ADGRE3: variants seen among roughly 807,000 people sequenced by gnomAD.
ADGRE3 encodes the protein adhesion G protein-coupled receptor E3.
In ADGRE3, 88 loss-of-function variants were observed where a neutral mutation model predicts 80.1. The observed-to-expected ratio is 1.10, with a 90% CI of 0.93 to 1.31. The LOEUF is 1.31. Among genes scored for constraint, ADGRE3 ranks in the 40% most tolerant of loss-of-function variants. The pLI is 0.00. For missense variants in ADGRE3, 715 were observed against 776.5 expected (o/e 0.92, Z 0.94); for synonymous variants, 281 against 294.8 (o/e 0.95, Z 0.48).
Position 14,662,001 on chromosome 19 carries a change from T to A in ADGRE3, c.317A>T (p.Asn106Ile), listed in dbSNP as rs762137039. ...CTCATTGGAATTACTGAATTGTTCATTCCCAGAATGCAGTCTATATCCTGG... is the reference window on the plus strand; with the variant it reads ...CTCATTGGAATTACTGAATTGTTCAATCCCAGAATGCAGTCTATATCCTGG... ...CVPGYRLHSGNEQFSNSNENT... is the reference protein window; with the variant it reads ...CVPGYRLHSGIEQFSNSNENT... Residue 106 changes from asparagine (N) to isoleucine (I), a missense_variant, in exon 4 of 16, where the codon AAT becomes ATT. Transcript: ENST00000253673. 6.2e-7 allele frequency: 1 copy of A among 1,614,188 alleles called. No individual in the cohort carries two copies. The highest frequency in any genetic ancestry group is 2.2e-5 in the East Asian group (1 of 44,884).
intron 10 of ADGRE3, among the ~76,000 whole-genome samples, chr19:14,639,081 G>A (rs917589162): frequency 3.3e-5 from 5 of 151,804 alleles, no homozygotes; most frequent in Admixed American, 1.3e-4. Context: ...TTGCAGAGAC[G>A]GGGTCTCACT....
the ADGRE3 span, chr19:14,607,047 G>T: frequency 7.4e-7 from 1 of 1,354,866 alleles, no homozygotes; most frequent in South Asian, 1.8e-5. Context: ...GGGGCTGAAT[G>T]ACAGGGCCCA....
At position 14,662,136 on chromosome 19, in the gene ADGRE3, A is replaced by G; in HGVS notation, c.200-18T>C. ...ATTAATGTCTGGAACACAAAGAAGCAATTGGGTCATTCATTCAGCAAAGAT... is the reference window on the plus strand; with the variant it reads ...ATTAATGTCTGGAACACAAAGAAGCGATTGGGTCATTCATTCAGCAAAGAT... On this transcript the variant is annotated intron_variant, in intron 3 of 15. Coordinates refer to ENST00000253673, the MANE Select transcript of ADGRE3 (RefSeq NM_032571.5). 1 of 1,613,072 alleles carries G rather than the reference A, an allele frequency of 6.2e-7. No homozygotes were observed. The highest frequency in any genetic ancestry group is 8.5e-7 in the Non-Finnish European group (1 of 1,179,296).
intron 6 of ADGRE3, among the ~76,000 whole-genome samples, chr19:14,652,095 G>A (rs957884302): frequency 6.6e-6 from 1 of 151,950 alleles, no homozygotes; most frequent in African/African-American, 2.4e-5. Context: ...TCTCTGTGGT[G>A]GGGAACCAGG....
intron 5 of ADGRE3, among the ~76,000 whole-genome samples, chr19:14,656,081 C>T (rs111627636): frequency 7.4e-4 from 113 of 151,996 alleles, no homozygotes; most frequent in African/African-American, 2.7e-3. Context: ...TGCGGTGGCT[C>T]ATGCCTGTAA....
intron 9 of ADGRE3, 105 bp downstream of exon 9, chr19:14,644,003 G>T: frequency 2.8e-6 from 2 of 720,744 alleles, no homozygotes; most frequent in Non-Finnish European, 3.9e-6. Context: ...GAGTCACCAT[G>T]CTCGGCCTTT....
chr19:14,634,150 T>C (rs1014640650), intron 11 of ADGRE3, among the ~76,000 whole-genome samples: 2 of 152,208 alleles, frequency 1.3e-5, no homozygotes, highest in African/African-American at 4.8e-5. Flanking sequence ...TTTCACTTTA[T>C]ATATTTCAAT....
chr19:14,633,859 C>T (rs1970960316), intron 11 of ADGRE3, among the ~76,000 whole-genome samples: 1 of 149,342 alleles, frequency 6.7e-6, no homozygotes, highest in African/African-American at 2.5e-5. Flanking sequence ...TCACTGCAAC[C>T]TCTGCCTCCT....
chr19:14,644,101 A>C lies in ADGRE3; in HGVS notation c.1050+7T>G, dbSNP rs1170373702. The C allele has an allele frequency of 6.7e-7, 1 of 1,501,868 alleles. No individual in the cohort carries two copies. Among genetic ancestry groups the C allele is most frequent in the East Asian group, 2.5e-5 (1 of 39,886 alleles). 93.0% of individuals were successfully genotyped at this position (1,501,868 alleles called of 1,614,324 possible). A position where few individuals can be genotyped will look rare whatever the true frequency, so the allele number is the denominator to read the frequency against. ...TTTGCTGGAAGAATAAAACATATAC[A>C]TCATACCTGGCTGGTCAGGGCCATC... is the stretch of plus-strand genomic sequence containing the variant. On this transcript the variant is annotated splice_region_variant and intron_variant, in intron 9 of 15. Coordinates refer to ENST00000253673, the MANE Select transcript of ADGRE3 (RefSeq NM_032571.5).
intron 7 of ADGRE3, among the ~76,000 whole-genome samples, chr19:14,650,869 C>T (rs570286051): frequency 2.6e-5 from 4 of 152,168 alleles, no homozygotes; most frequent in African/African-American, 9.6e-5. Flanking sequence ...AGCACTCCCC[C>T]ACCATCCCAA....
At chr19:14,612,332 C>G in the ADGRE3 span, among the ~76,000 whole-genome samples, 1 of 152,010 alleles carries the variant, frequency 6.6e-6, no homozygotes, top group African/African-American at 2.4e-5. Flanking sequence ...TCCTAATCTC[C>G]TCCTCCTCTT....
At chr19:14,652,457 G>A (rs1159374750) in intron 6 of ADGRE3, among the ~76,000 whole-genome samples, 1 of 151,644 alleles carries the variant, frequency 6.6e-6, no homozygotes, top group Non-Finnish European at 1.5e-5. Context: ...AAAAAAAGAA[G>A]CAAGCAACAA....
intron 2 of ADGRE3, among the ~76,000 whole-genome samples, chr19:14,664,765 G>A (rs1474737964): frequency 6.6e-6 from 1 of 151,884 alleles, no homozygotes; most frequent in Non-Finnish European, 1.5e-5. Context: ...GGGAGATTCT[G>A]ATCGTGGTAT....
intron 14 of ADGRE3, among the ~76,000 whole-genome samples, chr19:14,626,637 T>G (rs1970744392): frequency 6.6e-6 from 1 of 152,120 alleles, no homozygotes. Flanking sequence ...AAGGAGTTTA[T>G]TTGAGGGGTG....
chr19:14,661,504 GTGGTC>G (rs1971943125), intron 4 of ADGRE3, among the ~76,000 whole-genome samples: 1 of 152,154 alleles, frequency 6.6e-6, no homozygotes, highest in Admixed American at 6.6e-5. Context: ...TTCAAAGAAT[GTGGTC>G]TCAATCACCA....
chr19:14,607,875 CT>C, the ADGRE3 span, among the ~76,000 whole-genome samples: 2 of 151,402 alleles, frequency 1.3e-5, no homozygotes, highest in Non-Finnish European at 2.9e-5. Context: ...TGCGCCCAAC[CT>C]TATTTTAGTT....
chr19:14,624,750 G>C (rs958207091), intron 15 of ADGRE3, among the ~76,000 whole-genome samples: 3 of 146,192 alleles, frequency 2.1e-5, no homozygotes, highest in African/African-American at 7.6e-5. Context: ...GCAAGACCCT[G>C]TCTCTTAAAA....
the ADGRE3 span, among the ~76,000 whole-genome samples, chr19:14,608,070 G>T: frequency 3.3e-5 from 5 of 150,892 alleles, no homozygotes; most frequent in African/African-American, 9.9e-5. Context: ...TGGGGTTTTA[G>T]TGTGTTGCCC....
At chr19:14,607,430 C>A in the ADGRE3 span, among the ~76,000 whole-genome samples, 2 of 151,894 alleles carry the variant, frequency 1.3e-5, no homozygotes, top group East Asian at 3.9e-4. Context: ...GTCTTGATCT[C>A]CTGACCTCGT....
Sources: allele counts gnomAD v4.1 joint callset (sites outside exome capture counted in the v4.1 genomes callset), GRCh38; gene constraint gnomAD v4.1.1; transcripts MANE v1.5; gene names NCBI Gene and HGNC (gene_info 2026-07-23, HGNC 2026-07-21).